Variants in MRPL47 observed in about 807,000 individuals in gnomAD.
The protein encoded by MRPL47 is large ribosomal subunit protein uL29m.
In MRPL47, 31 loss-of-function variants were observed where a neutral mutation model predicts 34.0. That is an observed-to-expected ratio of 0.91 (90% CI 0.68 to 1.23). The LOEUF is 1.23. MRPL47 is among the 50% of genes most tolerant of loss of function. The pLI is 0.00. For synonymous variants in MRPL47, 106 were observed against 101.6 expected (o/e 1.04, Z -0.26); for missense variants, 328 against 285.8 (o/e 1.15, Z -1.07).
At chr3:179,596,598 C>G (rs1415368788) in intron 4 of MRPL47, among the ~76,000 whole-genome samples, 2 of 152,174 alleles carry the variant, frequency 1.3e-5, no homozygotes, top group African/African-American at 4.8e-5. Context: ...ATAGCAAAAG[C>G]TTTTTCATCA....
At chr3:179,600,277 C>G (rs1718897009) in intron 3 of MRPL47, among the ~76,000 whole-genome samples, 1 of 152,160 alleles carries the variant, frequency 6.6e-6, no homozygotes, top group Non-Finnish European at 1.5e-5. Context: ...AACATAGTAT[C>G]AGTGGTTTTC....
Position 179,592,701 on chromosome 3 carries a change from T to C in MRPL47, c.572A>G (p.Asn191Ser). ...FKQWVIPWHL[N>S]KRYNRKRFFA... ...GAATCGTTTCCTATTGTATCTTTTATTTAGGTGCCAAGGTATAACCCACTG... is the reference window on the plus strand; with the variant it reads ...GAATCGTTTCCTATTGTATCTTTTACTTAGGTGCCAAGGTATAACCCACTG... The change falls in exon 6 of 7, where the codon AAT (asparagine) becomes AGT (serine). Residue 191 changes from asparagine to serine, a missense_variant. Physicochemically the swap from Asn to Ser is conservative, Grantham distance 46. Coordinates refer to ENST00000476781, the MANE Select transcript of MRPL47 (RefSeq NM_020409.3). 1.9e-6 allele frequency: 3 copies of C among 1,614,018 alleles called. No homozygotes were observed. In the African/African-American group the frequency reaches 4.0e-5, roughly 22 times the overall value.
intron 5 of MRPL47, among the ~76,000 whole-genome samples, chr3:179,593,016 A>G (rs1718710420): frequency 1.3e-5 from 2 of 152,202 alleles, no homozygotes; most frequent in African/African-American, 4.8e-5. Flanking sequence ...TACGTTTAAA[A>G]GTCTAATGAT....
At position 179,600,480 on chromosome 3, in the gene MRPL47, A is replaced by C. The variant is rs568699040; in HGVS notation, c.305+1250T>G. Among the ~76,000 whole-genome samples, 63 of 152,138 alleles carry C rather than the reference A, an allele frequency of 4.1e-4. 1 individual carries two copies. In the South Asian group the frequency reaches 7.1e-3, roughly 17 times the overall value. On this transcript the variant is annotated intron_variant, in intron 3 of 6. Coordinates refer to ENST00000476781, the MANE Select transcript of MRPL47 (RefSeq NM_020409.3). The stretch of plus-strand genomic sequence containing the variant: ...ATGTGGTGAAACCCCATCTCTACTA[A>C]AAATACAAAAATTTAGCTGGGCATG...
intron 4 of MRPL47, among the ~76,000 whole-genome samples, chr3:179,598,429 C>CACAA (rs370530062): frequency 1.1e-3 from 128 of 118,790 alleles, no homozygotes; most frequent in South Asian, 4.3e-3. Flanking sequence ...CACACACAAA[C>CACAA]AAAAAAAAAA....
chr3:179,593,654 C>G, intron 5 of MRPL47, 111 bp downstream of exon 5: 2 of 942,400 alleles, frequency 2.1e-6, no homozygotes, highest in Non-Finnish European at 3.1e-6. Context: ...TTAGACATAT[C>G]TCTAATATTA....
Position 179,598,787 on chromosome 3 carries a change from C to A in MRPL47, c.306-16G>T. ...TAAGACATACCTATACAAAAGAACA[C>A]AAACCTTGTGATGCTATTCTGTGGT... On this transcript the variant is annotated splice_polypyrimidine_tract_variant and intron_variant, in intron 3 of 6. Transcript: ENST00000476781. The A allele has an allele frequency of 1.3e-6, 2 of 1,509,378 alleles. No individual in the cohort carries two copies. The highest frequency in any genetic ancestry group is 2.3e-5 in the East Asian group (1 of 44,060). The allele number at this position is 1,509,378 out of a possible 1,614,324, so 93.5% of individuals were successfully genotyped here.
rs1287968531 is a variant in MRPL47 at position 179,588,900 on chromosome 3, G to C, written c.725C>G (p.Ala242Gly). The change falls in exon 7 of 7, where the codon GCT becomes GGT. Residue 242 changes from alanine to glycine, a missense_variant. Physicochemically the swap from Ala to Gly is moderately conservative, Grantham distance 60. Transcript: ENST00000476781. ...GACAAGACTTGACTTTTGGGCTTCA[G>C]CAAGATGTGGAAACTTTTTTAAAAG... ...KILLKKFPHL[A>G]EAQKSSLV 6.2e-7 allele frequency: 1 copy of C among 1,613,468 alleles called. No individual in the cohort carries two copies. The highest frequency in any genetic ancestry group is 1.3e-5 in the African/African-American group (1 of 74,996).
rs1363253608 is a variant in MRPL47, at chr3:179,604,546, G to C, written c.79C>G (p.Gln27Glu). The C allele has an allele frequency of 2.5e-6, 4 of 1,614,088 alleles. No individual in the cohort carries two copies. In the African/African-American group the frequency reaches 5.3e-5, roughly 22 times the overall value. ...LKSSRSLITP[Q>E]VPACTGFFLS... is the part of the protein sequence containing the mutation. Reference sequence around the variant, plus strand: ...ACTTACCCTGTGCAGGCAGGGACCTGAGGAGTTATTAACGATCGGGAAGAT... The same window carrying C: ...ACTTACCCTGTGCAGGCAGGGACCTCAGGAGTTATTAACGATCGGGAAGAT... The change falls in exon 1 of 7, where the codon CAG (glutamine) becomes GAG (glutamate). Residue 27 changes from glutamine to glutamate, a missense_variant. Transcript: ENST00000476781.
intron 3 of MRPL47, among the ~76,000 whole-genome samples, chr3:179,601,115 T>C (rs4855097): frequency 0.091 from 13,829 of 152,134 alleles, 684 homozygotes; most frequent in South Asian, 0.17. Flanking sequence ...GGAGAGAATT[T>C]TAAATATAAC....
At position 179,588,798 on chromosome 3, in the gene MRPL47, C is replaced by T. The variant is rs1718588886; in HGVS notation, c.*74G>A. 1 of 1,389,450 alleles carries T rather than the reference C, an allele frequency of 7.2e-7. No homozygotes were observed. The highest frequency in any genetic ancestry group is 1.4e-5 in the African/African-American group (1 of 69,118). 86.1% of individuals were successfully genotyped at this position (1,389,450 alleles called of 1,614,324 possible). A position where few individuals can be genotyped will look rare whatever the true frequency, so the allele number is the denominator to read the frequency against. ...ACTAAAAACAGAATTTCTTTATAAA[C>T]CACTTAACATATTTACTCCTGTACA... On this transcript the variant is annotated 3_prime_UTR_variant, in exon 7 of 7. Transcript: ENST00000476781.
chr3:179,600,090 C>T (rs1412457297), intron 3 of MRPL47, among the ~76,000 whole-genome samples: 5 of 150,206 alleles, frequency 3.3e-5, no homozygotes, highest in Non-Finnish European at 5.9e-5. Flanking sequence ...CATTGCACTC[C>T]GGCCTGGGCG....
intron 5 of MRPL47, among the ~76,000 whole-genome samples, chr3:179,593,500 TAA>T (rs1005363160): frequency 5.3e-5 from 8 of 152,182 alleles, no homozygotes; most frequent in Admixed American, 4.6e-4. Flanking sequence ...GTGATTCATA[TAA>T]GACTAAGAAC....
At chr3:179,589,284 C>G (rs1424757084) in intron 6 of MRPL47, among the ~76,000 whole-genome samples, 1 of 152,160 alleles carries the variant, frequency 6.6e-6, no homozygotes, top group African/African-American at 2.4e-5. Context: ...TATGACTAAG[C>G]ATCATCTCTT....
In MRPL47 at chr3:179,604,625, GT is replaced by G; in HGVS notation, c.-2del. The G allele has an allele frequency of 6.2e-7, 1 of 1,614,192 alleles. No homozygotes were observed. Among genetic ancestry groups the G allele is most frequent in the South Asian group, 1.1e-5 (1 of 91,076 alleles). ...GAAGGGCCAAACCGGCCGCAGCCAT[GT>G]TTTCGCATAACTGGCAAAACGCGTT... On this transcript the variant is annotated 5_prime_UTR_variant, in exon 1 of 7. Transcript: ENST00000476781.
intron 6 of MRPL47, among the ~76,000 whole-genome samples, chr3:179,589,202 C>T (rs574624221): frequency 6.6e-6 from 1 of 152,176 alleles, no homozygotes; most frequent in Non-Finnish European, 1.5e-5. Context: ...CCAACTATCC[C>T]TATTTCCTGA....
At chr3:179,592,410 G>A (rs1411342954) in intron 6 of MRPL47, among the ~76,000 whole-genome samples, 2 of 150,650 alleles carry the variant, frequency 1.3e-5, no homozygotes, top group Non-Finnish European at 3.0e-5. Context: ...TAGCCGGGAT[G>A]GTCTCGATCG....
intron 4 of MRPL47, among the ~76,000 whole-genome samples, 170 bp from the exon 5 acceptor site, chr3:179,594,065 G>A (rs2108380268): frequency 6.6e-6 from 1 of 152,258 alleles, no homozygotes; most frequent in South Asian, 2.1e-4. Flanking sequence ...GTCTACATGG[G>A]TGTCTAGATT....
chr3:179,596,317 C>G (rs1422296509), intron 4 of MRPL47, among the ~76,000 whole-genome samples: 1 of 152,026 alleles, frequency 6.6e-6, no homozygotes, highest in Non-Finnish European at 1.5e-5. Flanking sequence ...TCTTCGGTTT[C>G]TATCTTATAT....
Sources: gnomAD v4.1 joint callset for allele counts (sites outside exome capture counted in the v4.1 genomes callset) on GRCh38, gnomAD v4.1.1 for gene constraint, MANE v1.5 for transcripts, NCBI Gene and HGNC (gene_info 2026-07-23, HGNC 2026-07-21) for gene names.